The following GADL1 variants were observed in gnomAD, a reference collection of about 807,000 sequenced individuals.
GADL1 encodes the protein acidic amino acid decarboxylase GADL1.
A neutral mutation model predicts 69.5 loss-of-function variants in GADL1; 71 were observed. That is an observed-to-expected ratio of 1.02 (90% CI 0.84 to 1.25). The LOEUF (loss-of-function observed/expected upper bound fraction) is 1.25. Ranked by LOEUF, GADL1 falls within the 50% of genes most tolerant of loss-of-function variation. The pLI, the probability that GADL1 is intolerant of heterozygous loss-of-function variation, is 0.00. For missense variants in GADL1, 737 were observed against 631.8 expected (o/e 1.17, Z -1.79); for synonymous variants, 254 against 214.4 (o/e 1.18, Z -1.62).
chr3:30,816,552 TTTTTTTTTTTTTTTG>T (rs1263563057), intron 11 of GADL1, among the ~76,000 whole-genome samples: 1 of 91,422 alleles, frequency 1.1e-5, no homozygotes, highest in Non-Finnish European at 2.2e-5. Flanking sequence ...TTTTTTTTTT[TTTTTTTTTTTTTTTG>T]AGACAGTCTT....
At chr3:30,866,917 T>C (rs556741486) in intron 1 of GADL1, among the ~76,000 whole-genome samples, 1 of 152,206 alleles carries the variant, frequency 6.6e-6, no homozygotes, top group Non-Finnish European at 1.5e-5. Flanking sequence ...GCTGACTGTA[T>C]ATTTACTTTG....
chr3:30,834,306 A>G, intron 9 of GADL1, 25 bp from the exon 10 acceptor site: 1 of 1,595,852 alleles, frequency 6.3e-7, no homozygotes, highest in Non-Finnish European at 8.6e-7. Flanking sequence ...ACAGTACCAG[A>G]ACAATGTTAT....
chr3:30,766,884 T>C, intron 14 of GADL1, among the ~76,000 whole-genome samples: 1 of 152,186 alleles, frequency 6.6e-6, no homozygotes, highest in South Asian at 2.1e-4. Context: ...AGTTGGACTT[T>C]AGGAAGTCTA....
chr3:30,776,105 T>G (rs1304975999), intron 14 of GADL1, among the ~76,000 whole-genome samples: 1 of 152,190 alleles, frequency 6.6e-6, no homozygotes, highest in East Asian at 1.9e-4. Flanking sequence ...ATGCATTATA[T>G]TCTGTATTTG....
Position 30,839,016 on chromosome 3 carries a change from C to A in GADL1, c.884G>T (p.Ser295Ile), listed in dbSNP as rs753292575. 1 of 1,598,896 alleles carries A rather than the reference C, an allele frequency of 6.3e-7. No individual in the cohort carries two copies. Among genetic ancestry groups the A allele is most frequent in the Admixed American group, 1.7e-5 (1 of 58,170 alleles). Residue 295 changes from serine to isoleucine, a missense_variant, in exon 9 of 15, where the codon AGC becomes ATC. Ser to Ile is a moderately radical substitution (Grantham distance 142). Coordinates refer to ENST00000282538, the MANE Select transcript of GADL1 (RefSeq NM_207359.3). ...ACTTACATCTACATGAAGCCAGAGG[C>A]TGTGCCTCTCGCAGATGTCTGCTAT... is the stretch of plus-strand genomic sequence containing the variant. ...DEIADICERH[S>I]LWLHVDASWG...
At chr3:30,863,922 G>T (rs1397945484) in intron 1 of GADL1, among the ~76,000 whole-genome samples, 1 of 152,002 alleles carries the variant, frequency 6.6e-6, no homozygotes, top group Non-Finnish European at 1.5e-5. Context: ...GTTACAGGAA[G>T]ATCCCCCAGT....
At chr3:30,893,742 T>A (rs1194168732) in intron 1 of GADL1, among the ~76,000 whole-genome samples, 1 of 152,200 alleles carries the variant, frequency 6.6e-6, no homozygotes, top group Non-Finnish European at 1.5e-5. Flanking sequence ...CCAACTACTG[T>A]GCAAAATTCC....
At chr3:30,781,465 G>A (rs1696663636) in intron 13 of GADL1, among the ~76,000 whole-genome samples, 1 of 152,132 alleles carries the variant, frequency 6.6e-6, no homozygotes, top group Non-Finnish European at 1.5e-5. Context: ...TTTAATAAAT[G>A]TAAATGCAGA....
Position 30,787,089 on chromosome 3 carries a change from G to T in GADL1, c.1251-683C>A, listed in dbSNP as rs190249204. Among the ~76,000 whole-genome samples the T allele has an allele frequency of 3.3e-5, 5 of 152,262 alleles. No homozygotes were observed. In the East Asian group the frequency reaches 7.7e-4, roughly 24 times the overall value. On this transcript the variant is annotated intron_variant, in intron 12 of 14. Transcript: ENST00000282538. ...GTATTAGGGAAAAGAGCTAATGCAT[G>T]TGGGGCTTAATACCTGGGTGGTGGG...
chr3:30,848,595 C>T (rs1414442165), intron 6 of GADL1, among the ~76,000 whole-genome samples: 1 of 151,984 alleles, frequency 6.6e-6, no homozygotes, highest in South Asian at 2.1e-4. Flanking sequence ...TGCCAAGAAC[C>T]TGGGTGATGA....
chr3:30,833,817 C>T, intron 11 of GADL1, 36 bp downstream of exon 11: 1 of 1,475,684 alleles, frequency 6.8e-7, no homozygotes, highest in Non-Finnish European at 9.5e-7. Flanking sequence ...GGCTTAACCC[C>T]CTTGAAGCCC....
chr3:30,739,412 A>G (rs997389823), intron 14 of GADL1, among the ~76,000 whole-genome samples: 1 of 152,006 alleles, frequency 6.6e-6, no homozygotes, highest in African/African-American at 2.4e-5. Flanking sequence ...CCTGTATCTT[A>G]TCTTGTTTAT....
intron 14 of GADL1, among the ~76,000 whole-genome samples, chr3:30,741,337 A>T (rs562217427): frequency 1.3e-5 from 2 of 151,158 alleles, no homozygotes; most frequent in Non-Finnish European, 2.9e-5. Context: ...TAAACATTCA[A>T]TTTTTTACCT....
chr3:30,804,455 T>G (rs1697218756), intron 11 of GADL1, among the ~76,000 whole-genome samples: 1 of 152,190 alleles, frequency 6.6e-6, no homozygotes, highest in South Asian at 2.1e-4. Context: ...ACCTTGACAT[T>G]TATCTTTCTG....
rs557296706 is a variant in GADL1, at chr3:30,726,371, T to C, written c.*1871A>G. The C allele has an allele frequency of 1.3e-5, 2 of 152,216 alleles. No homozygotes were observed. The highest frequency in any genetic ancestry group is 1.9e-4 in the East Asian group (1 of 5,182). 9.4% of individuals were successfully genotyped at this position (152,216 alleles called of 1,614,324 possible). A position where few individuals can be genotyped will look rare whatever the true frequency, so the allele number is the denominator to read the frequency against. On this transcript the variant is annotated 3_prime_UTR_variant, in exon 15 of 15. Transcript: ENST00000282538. ...ACAGGAAAAGAAAAGTCAACAACAC[T>C]AAGTATAGTAATGTTCCTTTTTGTT...
chr3:30,877,934 A>T (rs1698599568), intron 1 of GADL1, among the ~76,000 whole-genome samples: 1 of 151,954 alleles, frequency 6.6e-6, no homozygotes, highest in African/African-American at 2.4e-5. Context: ...GAAGGTCCTG[A>T]ATGCTGAAAT....
chr3:30,857,386 T>C (rs1280752308), intron 2 of GADL1, among the ~76,000 whole-genome samples: 2 of 152,012 alleles, frequency 1.3e-5, no homozygotes, highest in African/African-American at 2.4e-5. Flanking sequence ...AGTTGTTACA[T>C]AGAATAAGAG....
chr3:30,813,604 A>G (rs1697402251), intron 11 of GADL1, among the ~76,000 whole-genome samples: 1 of 152,236 alleles, frequency 6.6e-6, no homozygotes, highest in Non-Finnish European at 1.5e-5. Context: ...TGTGGCCTAC[A>G]TTTCTTGGAG....
rs1698748582 is a variant in GADL1, at chr3:30,889,084, T to TATAAAAAA, written c.37+5493_37+5494insTTTTTTAT. 1.6e-3 allele frequency among the ~76,000 whole-genome samples: 52 copies of TATAAAAAA among 32,916 alleles called. 1 individual carries two copies. The highest frequency in any genetic ancestry group is 2.8e-3 in the Admixed American group (6 of 2,164). 21.6% of individuals were successfully genotyped at this position (32,916 alleles called of 152,430 possible). On this transcript the variant is annotated intron_variant, in intron 1 of 14. Transcript: ENST00000282538. The stretch of plus-strand genomic sequence containing the variant: ...GAAATACCGAAGACTCGGTAATCTA[T>TATAAAAAA]AAAAAAAAAAAAAAAAAAAAAAAAA...
Sources: allele counts gnomAD v4.1 joint callset (sites outside exome capture counted in the v4.1 genomes callset), GRCh38; gene constraint gnomAD v4.1.1; transcripts MANE v1.5; gene names NCBI Gene and HGNC (gene_info 2026-07-23, HGNC 2026-07-21).